The following MINPP1 variants were observed in gnomAD, a reference collection of about 807,000 sequenced individuals.
The protein encoded by MINPP1 is multiple inositol polyphosphate phosphatase 1.
Under a neutral mutation model 46.1 loss-of-function variants are expected in MINPP1, and 28 were observed. The observed-to-expected ratio is 0.61, with a 90% CI of 0.45 to 0.83. The LOEUF (loss-of-function observed/expected upper bound fraction) is 0.83, where lower values mean the gene tolerates loss of function less well. Ranked by LOEUF, MINPP1 falls within the 40% of genes least tolerant of loss-of-function variation. The pLI, the probability that MINPP1 is intolerant of heterozygous loss-of-function variation, is 0.00. For missense variants in MINPP1, 603 were observed against 610.0 expected (o/e 0.99, Z 0.12); for synonymous variants, 268 against 249.1 (o/e 1.08, Z -0.72).
Position 87,552,190 on chromosome 10 carries a change from G to A in MINPP1, c.1176G>A (p.Ala392=), listed in dbSNP as rs369683786. 23 of 1,613,556 alleles carry A rather than the reference G, an allele frequency of 1.4e-5. No homozygotes were observed. In the Admixed American group the frequency reaches 1.7e-4, roughly 12 times the overall value. ...TCAAAGACAAGGAACCCCTAACAGC[G>A]TACAATTACAAAAAACAAATGCATC... is the stretch of plus-strand genomic sequence containing the variant. ...GYFKDKEPLT[A]YNYKKQMHRK... The change falls in exon 5 of 5, where the codon GCG becomes GCA. Residue 392 remains alanine (A), a synonymous_variant. Transcript: ENST00000371996.
intron 4 of MINPP1, among the ~76,000 whole-genome samples, chr10:87,537,958 A>T (rs985092743): frequency 6.6e-6 from 1 of 151,668 alleles, no homozygotes; most frequent in Non-Finnish European, 1.5e-5. Flanking sequence ...TTTTTAATAC[A>T]TGGAACTTAT....
Position 87,505,064 on chromosome 10 carries a change from A to C in MINPP1, c.149A>C (p.Lys50Thr). Residue 50 changes from lysine (K) to threonine (T), a missense_variant, in exon 1 of 5, where the codon AAG (lysine) becomes ACG (threonine). Lys to Thr is a moderately conservative substitution (Grantham distance 78). Around this residue, in one of 3 missense-constraint regions of MINPP1, gnomAD observed 239 missense variants for 189.4 expected, o/e 1.26. Transcript: ENST00000371996. This position sits in a 1 kb window ranked among gnomAD's most constrained non-coding sequence, Gnocchi z 4.4. ...TCGCTCAGCCCCTATTTCGGCACCA[A>C]GACTCGCTACGAGGATGTCAACCCC... ...ASSLSPYFGT[K>T]TRYEDVNPVL... 6.2e-7 allele frequency: 1 copy of C among 1,613,514 alleles called. No individual in the cohort carries two copies. Among genetic ancestry groups the C allele is most frequent in the Non-Finnish European group, 8.5e-7 (1 of 1,179,912 alleles).
intron 4 of MINPP1, among the ~76,000 whole-genome samples, chr10:87,542,531 C>A (rs563854522): frequency 2.6e-5 from 4 of 152,210 alleles, no homozygotes; most frequent in Non-Finnish European, 4.4e-5. Context: ...ACCTCCTGAG[C>A]TCAAGTGATC....
intron 4 of MINPP1, chr10:87,546,790 C>T (rs1851893167): frequency 6.6e-6 from 1 of 152,090 alleles, no homozygotes; most frequent in Non-Finnish European, 1.5e-5. Flanking sequence ...ATGAGTTGGG[C>T]ATGGTGGTGC....
At position 87,504,975 on chromosome 10, in the gene MINPP1, T is replaced by G. The variant is rs943130812; in HGVS notation, c.60T>G (p.Ala20=). 6.2e-7 allele frequency: 1 copy of G among 1,612,210 alleles called. No individual in the cohort carries two copies. The part of the protein sequence containing the change: ...RTSVAPAAAL[A]AALLSSLARC... ...CCGTAGCGCCTGCCGCGGCCCTGGC[T>G]GCGGCGCTGCTCTCGTCGCTTGCGC... Residue 20 remains alanine, a synonymous_variant, in exon 1 of 5, where the codon GCT becomes GCG. Transcript: ENST00000371996.
At chr10:87,527,980 C>G (rs545138110) in intron 4 of MINPP1, among the ~76,000 whole-genome samples, 25 of 152,230 alleles carry the variant, frequency 1.6e-4, no homozygotes, top group African/African-American at 5.5e-4. Context: ...TCTAGATTTT[C>G]TAGTTTGTTT....
At chr10:87,541,913 A>T (rs1018701315) in intron 4 of MINPP1, among the ~76,000 whole-genome samples, 1 of 152,162 alleles carries the variant, frequency 6.6e-6, no homozygotes, top group Non-Finnish European at 1.5e-5. Context: ...CCTACCTCCA[A>T]TGTTGGGAAT....
rs201700512 is a variant in MINPP1, at chr10:87,514,777, G to A, written c.933+1556G>A. Among the ~76,000 whole-genome samples, 20 of 152,082 alleles carry A rather than the reference G, an allele frequency of 1.3e-4. No homozygotes were observed. In the East Asian group the frequency reaches 1.9e-3, roughly 15 times the overall value. On this transcript the variant is annotated intron_variant, in intron 3 of 4. Coordinates refer to ENST00000371996, the MANE Select transcript of MINPP1 (RefSeq NM_004897.5). The stretch of plus-strand genomic sequence containing the variant: ...GTTGCCCAGGCTGGAGTGCAGTGGC[G>A]CAATCTCAGCTAACTGAAACCTCTG...
rs111956605 is a variant in MINPP1, at chr10:87,513,360, T to C, written c.933+139T>C. On this transcript the variant is annotated intron_variant, in intron 3 of 4. Transcript: ENST00000371996. Reference sequence around the variant, plus strand: ...AAACTGTTTTGTGACTAACTCCTAATTTTCCTTAAATAAAGAGAGATTAAA... The same window carrying C: ...AAACTGTTTTGTGACTAACTCCTAACTTTCCTTAAATAAAGAGAGATTAAA... 1.3e-4 allele frequency: 88 copies of C among 662,682 alleles called. 1 individual carries two copies. The highest frequency in any genetic ancestry group is 1.1e-3 in the African/African-American group (63 of 54,792). The allele number at this position is 662,682 out of a possible 1,614,324, so 41.1% of individuals were successfully genotyped here. A position where few individuals can be genotyped will look rare whatever the true frequency, so the allele number is the denominator to read the frequency against.
intron 4 of MINPP1, among the ~76,000 whole-genome samples, chr10:87,539,058 C>A (rs1851777300): frequency 6.6e-6 from 1 of 152,080 alleles, no homozygotes; most frequent in Non-Finnish European, 1.5e-5. Flanking sequence ...AATCTCCTCA[C>A]CAATTTCTGT....
At position 87,552,952 on chromosome 10, in the gene MINPP1, G is replaced by A. The variant is rs566835722; in HGVS notation, c.*474G>A. On this transcript the variant is annotated 3_prime_UTR_variant, in exon 5 of 5. Coordinates refer to ENST00000371996, the MANE Select transcript of MINPP1 (RefSeq NM_004897.5). ...TAATCAGGAATATTGTGGTAAGCTG[G>A]GAGTATCACTCTGGAAGAAAGTAAC... 6.5e-4 allele frequency: 100 copies of A among 154,390 alleles called. No individual in the cohort carries two copies. Among genetic ancestry groups the A allele is most frequent in the Middle Eastern group, 6.8e-3 (2 of 294 alleles). 9.6% of individuals were successfully genotyped at this position (154,390 alleles called of 1,614,324 possible). A position where few individuals can be genotyped will look rare whatever the true frequency, so the allele number is the denominator to read the frequency against.
At chr10:87,509,518 T>C (rs190134928) in intron 2 of MINPP1, among the ~76,000 whole-genome samples, 2 of 152,342 alleles carry the variant, frequency 1.3e-5, no homozygotes, top group East Asian at 3.9e-4. Flanking sequence ...GTGGTGAACA[T>C]CCCTATACCC....
chr10:87,539,716 A>G (rs544291473), intron 4 of MINPP1, among the ~76,000 whole-genome samples: 1 of 152,302 alleles, frequency 6.6e-6, no homozygotes, highest in African/African-American at 2.4e-5. Flanking sequence ...GTTTTTATGG[A>G]CCACATGCCT....
intron 3 of MINPP1, among the ~76,000 whole-genome samples, chr10:87,514,139 T>A (rs1194768828): frequency 1.3e-5 from 2 of 152,244 alleles, no homozygotes; most frequent in South Asian, 4.1e-4. Flanking sequence ...TCAGGTAAGG[T>A]AACATATTCA....
chr10:87,508,892 T>C lies in MINPP1; in HGVS notation c.835+359T>C, dbSNP rs532917470. Among the ~76,000 whole-genome samples the C allele has an allele frequency of 2.6e-5, 4 of 152,308 alleles. No individual in the cohort carries two copies. The South Asian group carries it at 8.3e-4, about 32-fold the overall frequency. ...AAATGGAAAAATCATATAAATTCTT[T>C]AGCTTTTGAAGCAGTTCAAAAGTAC... On this transcript the variant is annotated intron_variant, in intron 2 of 4. Coordinates refer to ENST00000371996, the MANE Select transcript of MINPP1 (RefSeq NM_004897.5).
chr10:87,513,400 C>T (rs567307928), intron 3 of MINPP1, among the ~76,000 whole-genome samples, 179 bp downstream of exon 3: 2 of 152,186 alleles, frequency 1.3e-5, no homozygotes, highest in East Asian at 1.9e-4. Context: ...CAAATTGGTC[C>T]CACCTACTTG....
At chr10:87,547,175 G>T (rs188896056) in intron 4 of MINPP1, among the ~76,000 whole-genome samples, 1 of 152,010 alleles carries the variant, frequency 6.6e-6, no homozygotes, top group African/African-American at 2.4e-5. Context: ...GCAGTGACGT[G>T]ATCTTGGCTC....
chr10:87,532,378 T>C (rs540006470), intron 4 of MINPP1, among the ~76,000 whole-genome samples: 1 of 152,264 alleles, frequency 6.6e-6, no homozygotes, highest in Non-Finnish European at 1.5e-5. Context: ...AAAAACATTT[T>C]ATAAAAGCCA....
intron 4 of MINPP1, among the ~76,000 whole-genome samples, chr10:87,537,093 C>T (rs553233463): frequency 2.6e-5 from 4 of 152,116 alleles, no homozygotes; most frequent in South Asian, 2.1e-4. Flanking sequence ...TGTGCCACCA[C>T]GCCCAGATAA....
Sources: allele counts gnomAD v4.1 joint callset (sites outside exome capture counted in the v4.1 genomes callset), GRCh38; gene constraint gnomAD v4.1.1; regional missense constraint gnomAD v4.1.1; non-coding constraint Gnocchi (gnomAD v3.1); transcripts MANE v1.5; gene names NCBI Gene and HGNC (gene_info 2026-07-23, HGNC 2026-07-21).